The following ACCSL variants were observed in gnomAD, a reference collection of about 807,000 sequenced individuals.
The protein encoded by ACCSL is probable inactive 1-aminocyclopropane-1-carboxylate synthase-like protein 2.
ACCSL carries 55 observed loss-of-function variants against 61.7 expected under a neutral mutation model. The ratio of observed to expected loss-of-function variants is 0.89; its 90% CI spans 0.72 to 1.12. ACCSL has a LOEUF of 1.12. Ranked by LOEUF, ACCSL falls within the 50% of genes most tolerant of loss-of-function variation. The probability of loss-of-function intolerance (pLI) is 0.00; values close to 1 mark genes in which losing one functional copy is unlikely to be tolerated. For missense variants in ACCSL, 632 were observed against 698.0 expected, an observed-to-expected ratio of 0.91 and a Z score of 1.07; for synonymous variants, 258 against 264.3, an observed-to-expected ratio of 0.98 and a Z score of 0.23.
Position 44,053,432 on chromosome 11 carries a change from A to G in ACCSL, c.975A>G (p.Leu325=), listed in dbSNP as rs371871831. 1.9e-6 allele frequency: 3 copies of G among 1,614,052 alleles called. No individual in the cohort carries two copies. The African/African-American group carries it at 4.0e-5, about 22-fold the overall frequency. Residue 325 remains leucine, a synonymous_variant, in exon 8 of 14, where the codon CTA becomes CTG. Transcript: ENST00000378832. ...GGAAAAAGGTCCGAGGCCTTGTGCT[A>G]ATCAACCCTCAGAATCCTCTGGGTG... ...LEGKKVRGLV[L]INPQNPLGDI...
the ACCSL span, among the ~76,000 whole-genome samples, chr11:44,040,089 G>A: frequency 6.6e-6 from 1 of 152,210 alleles, no homozygotes; most frequent in Non-Finnish European, 1.5e-5. Flanking sequence ...AGCTCTCCTG[G>A]GTCTCCTTCC....
At chr11:43,943,046 C>T in the ACCSL span, 3 of 1,497,034 alleles carry the variant, frequency 2.0e-6, no homozygotes, top group East Asian at 2.8e-5. This position sits in a 1 kb window ranked among gnomAD's most constrained non-coding sequence, Gnocchi z 4.8. Context: ...GCTGCGGCGG[C>T]CGCGCCAGTC....
At chr11:44,028,545 T>C in the ACCSL span, among the ~76,000 whole-genome samples, 1 of 152,208 alleles carries the variant, frequency 6.6e-6, no homozygotes, top group South Asian at 2.1e-4. Flanking sequence ...ATAAACCAAA[T>C]TTATTACAGC....
At chr11:44,051,447 T>A (rs1244546222) in intron 4 of ACCSL, 43 bp downstream of exon 4, 2 of 1,607,910 alleles carry the variant, frequency 1.2e-6, no homozygotes, top group Admixed American at 3.3e-5. Context: ...GGTGGAGGGC[T>A]ATATTCTTGG....
chr11:43,934,554 G>A, the ACCSL span, among the ~76,000 whole-genome samples: 2 of 151,750 alleles, frequency 1.3e-5, no homozygotes, highest in African/African-American at 4.9e-5. Context: ...GACCCAAACA[G>A]TACCACCTGG....
At chr11:44,049,547 A>G (rs1952622757) in intron 1 of ACCSL, among the ~76,000 whole-genome samples, 1 of 151,590 alleles carries the variant, frequency 6.6e-6, no homozygotes, top group Non-Finnish European at 1.5e-5. Context: ...CATTAGCTAT[A>G]CCTTCCCCTT....
chr11:44,053,205 G>A (rs1021851909), intron 7 of ACCSL, 137 bp downstream of exon 7: 9 of 870,530 alleles, frequency 1.0e-5, no homozygotes, highest in South Asian at 3.2e-5. Flanking sequence ...TGATCCAGGG[G>A]TGTGTCCCTC....
the ACCSL span, among the ~76,000 whole-genome samples, chr11:44,015,669 TCTC>T: frequency 6.6e-6 from 1 of 152,102 alleles, no homozygotes; most frequent in African/African-American, 2.4e-5. Flanking sequence ...CAAAAATACT[TCTC>T]CAATAAGAAT....
At chr11:44,035,703 C>T in the ACCSL span, among the ~76,000 whole-genome samples, 7 of 152,060 alleles carry the variant, frequency 4.6e-5, no homozygotes, top group African/African-American at 1.7e-4. Context: ...TTTGGGAGGG[C>T]GAGGCAGGCG....
the ACCSL span, among the ~76,000 whole-genome samples, chr11:44,004,111 C>T: frequency 6.6e-6 from 1 of 151,694 alleles, no homozygotes; most frequent in Non-Finnish European, 1.5e-5. Flanking sequence ...TCCGTTGGTC[C>T]TGAAGTCAGG....
At chr11:43,979,302 A>G in the ACCSL span, among the ~76,000 whole-genome samples, 1,633 of 152,286 alleles carry the variant, frequency 0.011, 38 homozygotes, top group African/African-American at 0.037. Flanking sequence ...ACTGCATTCC[A>G]GCCTGGGTGA....
the ACCSL span, among the ~76,000 whole-genome samples, chr11:44,022,695 T>C: frequency 6.6e-6 from 1 of 152,180 alleles, no homozygotes; most frequent in Non-Finnish European, 1.5e-5. Context: ...TCCCACTTGG[T>C]TGTGGTGTTT....
the ACCSL span, among the ~76,000 whole-genome samples, chr11:44,001,482 C>T: frequency 1.3e-5 from 2 of 151,798 alleles, no homozygotes; most frequent in African/African-American, 4.8e-5. Context: ...AATTGGGAAA[C>T]GTTCTAAGAT....
chr11:43,957,798 A>C, the ACCSL span, among the ~76,000 whole-genome samples: 2 of 152,198 alleles, frequency 1.3e-5, no homozygotes, highest in African/African-American at 4.8e-5. Context: ...AGTTGTGCCT[A>C]AGCTCCAAAG....
At chr11:43,960,782 A>G in the ACCSL span, among the ~76,000 whole-genome samples, 1 of 152,186 alleles carries the variant, frequency 6.6e-6, no homozygotes, top group African/African-American at 2.4e-5. Flanking sequence ...GTGGAGAAAT[A>G]TATTTCTATT....
the ACCSL span, chr11:43,922,115 A>G: frequency 2.0e-5 from 3 of 152,240 alleles, no homozygotes; most frequent in Non-Finnish European, 4.4e-5. Context: ...TAGCATGAAG[A>G]AAAACAGGTT....
the ACCSL span, among the ~76,000 whole-genome samples, chr11:43,999,621 A>C: frequency 6.6e-6 from 1 of 152,180 alleles, no homozygotes; most frequent in Non-Finnish European, 1.5e-5. Flanking sequence ...CTAACTGCAG[A>C]AGTGATACGC....
the ACCSL span, among the ~76,000 whole-genome samples, chr11:43,961,853 G>T: frequency 6.6e-6 from 1 of 152,106 alleles, no homozygotes; most frequent in Admixed American, 6.6e-5. Context: ...CTGAGTAAAT[G>T]ACTTTGTAAC....
the ACCSL span, among the ~76,000 whole-genome samples, chr11:43,936,543 C>T: frequency 6.8e-6 from 1 of 147,014 alleles, no homozygotes; most frequent in Admixed American, 6.6e-5. Flanking sequence ...TGCTTCTACA[C>T]ACTGGCACCC....
Sources: gnomAD v4.1 joint callset for allele counts (sites outside exome capture counted in the v4.1 genomes callset) on GRCh38, gnomAD v4.1.1 for gene constraint, Gnocchi (gnomAD v3.1) non-coding constraint, MANE v1.5 for transcripts, NCBI Gene and HGNC (gene_info 2026-07-23, HGNC 2026-07-21) for gene names.